Variants in LONRF2 observed in about 807,000 individuals in gnomAD.
LONRF2 encodes LON peptidase N-terminal domain and ring finger 2.
In LONRF2, 35 loss-of-function variants were observed where a neutral mutation model predicts 66.6. That is an observed-to-expected ratio of 0.53 (90% CI 0.40 to 0.70). The LOEUF is 0.70. Among genes scored for constraint, LONRF2 ranks in the 30% least tolerant of loss-of-function variants. The pLI is 0.00. For synonymous variants in LONRF2, 417 were observed against 418.1 expected, an observed-to-expected ratio of 1.00 and a Z score of 0.03; for missense variants, 902 against 1,002.1, an observed-to-expected ratio of 0.90 and a Z score of 1.35.
intron 2 of LONRF2, among the ~76,000 whole-genome samples, chr2:100,305,230 TCTTTTC>T (rs1301661102): frequency 2.0e-5 from 3 of 152,074 alleles, no homozygotes; most frequent in Non-Finnish European, 4.4e-5. Flanking sequence ...CACACACAAT[TCTTTTC>T]CTTTTCATGT....
chr2:100,319,028 G>A (rs565056428), intron 1 of LONRF2, among the ~76,000 whole-genome samples: 13 of 151,772 alleles, frequency 8.6e-5, no homozygotes, highest in Admixed American at 4.6e-4. Flanking sequence ...TACTTGGGAG[G>A]CTGAGGCAGG....
At chr2:100,316,853 C>T (rs1417722902) in intron 1 of LONRF2, among the ~76,000 whole-genome samples, 2 of 152,090 alleles carry the variant, frequency 1.3e-5, no homozygotes, top group African/African-American at 2.4e-5. Context: ...TGTGTGTGTA[C>T]ACTTGTTGTT....
intron 1 of LONRF2, among the ~76,000 whole-genome samples, chr2:100,315,380 A>C (rs1420094737): frequency 5.9e-5 from 9 of 152,206 alleles, no homozygotes; most frequent in African/African-American, 2.2e-4. Context: ...ATGCCAGGTC[A>C]TCTACAAATA....
At chr2:100,313,568 A>G (rs1277811002) in intron 1 of LONRF2, among the ~76,000 whole-genome samples, 1 of 152,310 alleles carries the variant, frequency 6.6e-6, no homozygotes, top group South Asian at 2.1e-4. Context: ...GAAAAGAAAG[A>G]ATAAGTGGCA....
chr2:100,316,126 T>C lies in LONRF2; in HGVS notation c.679+5289A>G, dbSNP rs547327056. On this transcript the variant is annotated intron_variant, in intron 1 of 11. Coordinates refer to ENST00000393437, the MANE Select transcript of LONRF2 (RefSeq NM_198461.4). The stretch of plus-strand genomic sequence containing the variant: ...ACGAGGTCAGAGATCGAGAGCATCC[T>C]GGCTAACACAGTGAAACCCTGTCTC... Among the ~76,000 whole-genome samples the C allele has an allele frequency of 2.8e-3, 419 of 152,100 alleles. 4 individuals are homozygous for C. Among genetic ancestry groups the C allele is most frequent in the African/African-American group, 9.6e-3 (399 of 41,494 alleles).
chr2:100,280,952 C>T lies in LONRF2; in HGVS notation c.*3346G>A, dbSNP rs1435931174. 1.3e-5 allele frequency: 2 copies of T among 152,122 alleles called. No homozygotes were observed. The highest frequency in any genetic ancestry group is 4.8e-5 in the African/African-American group (2 of 41,410). 9.4% of individuals were successfully genotyped at this position (152,122 alleles called of 1,614,324 possible). On this transcript the variant is annotated 3_prime_UTR_variant, in exon 12 of 12. Coordinates refer to ENST00000393437, the MANE Select transcript of LONRF2 (RefSeq NM_198461.4). The stretch of plus-strand genomic sequence containing the variant: ...TTCACACTTCTTCTTATTTGATAGA[C>T]AGTATTCAAATTTTGAAGAGTGGTA...
chr2:100,287,076 A>G lies in LONRF2; in HGVS notation c.1921-13T>C. The G allele has an allele frequency of 6.2e-7, 1 of 1,612,942 alleles. No individual in the cohort carries two copies. The highest frequency in any genetic ancestry group is 8.5e-7 in the Non-Finnish European group (1 of 1,179,464). On this transcript the variant is annotated splice_polypyrimidine_tract_variant and intron_variant, in intron 10 of 11. Coordinates refer to ENST00000393437, the MANE Select transcript of LONRF2 (RefSeq NM_198461.4). ...CTGGACCCTCCACCTGATCAGGGAA[A>G]GAGGCACAGCTGTGTGAACCATTCA... is the stretch of plus-strand genomic sequence containing the variant.
chr2:100,313,679 C>T (rs1379512652), intron 1 of LONRF2, among the ~76,000 whole-genome samples: 10 of 152,090 alleles, frequency 6.6e-5, no homozygotes, highest in African/African-American at 1.9e-4. Context: ...CATGTGTACC[C>T]GTGCCATCAT....
intron 4 of LONRF2, among the ~76,000 whole-genome samples, chr2:100,300,153 ATCTG>A (rs3039770): frequency 0.72 from 108,534 of 151,368 alleles, 39,518 homozygotes; most frequent in East Asian, 0.95. Flanking sequence ...TTCATATGCA[ATCTG>A]TCTGTCTGTC....
rs779870912 is a variant in LONRF2 at position 100,295,473 on chromosome 2, A to G, written c.1557T>C (p.Asp519=). 1 of 1,613,784 alleles carries G rather than the reference A, an allele frequency of 6.2e-7. No homozygotes were observed. The highest frequency in any genetic ancestry group is 8.5e-7 in the Non-Finnish European group (1 of 1,179,764). ...TTTCTTCATCATAAATTCTCTTCCT[A>G]TCAGACAATTCATCCGGCAAATATC... ...IFRYLPDELS[D]RKRIYDEEMS... is the part of the protein sequence containing the mutation. Residue 519 remains aspartate, a synonymous_variant, in exon 8 of 12, where the codon GAT becomes GAC. Transcript: ENST00000393437.
intron 7 of LONRF2, 44 bp from the exon 8 acceptor site, chr2:100,295,597 C>A (rs1675049510): frequency 6.3e-7 from 1 of 1,586,726 alleles, no homozygotes; most frequent in African/African-American, 1.4e-5. Context: ...GTAATTGATT[C>A]TAAAGGACGA....
intron 1 of LONRF2, among the ~76,000 whole-genome samples, chr2:100,317,410 A>G (rs1675529911): frequency 1.3e-5 from 2 of 152,208 alleles, no homozygotes; most frequent in African/African-American, 4.8e-5. Flanking sequence ...CAAACCATAC[A>G]ACAATTTAAC....
At chr2:100,297,365 C>T (rs1382968183) in intron 7 of LONRF2, among the ~76,000 whole-genome samples, 2 of 151,972 alleles carry the variant, frequency 1.3e-5, no homozygotes, top group African/African-American at 4.8e-5. Flanking sequence ...TCTCTATCTC[C>T]CGCCCTTGTG....
chr2:100,293,199 T>C (rs949671996), intron 9 of LONRF2, among the ~76,000 whole-genome samples: 2 of 152,214 alleles, frequency 1.3e-5, no homozygotes, highest in African/African-American at 4.8e-5. Context: ...AGAGATGGCA[T>C]CTCTACAGCA....
At chr2:100,307,178 C>T (rs1319660199) in intron 2 of LONRF2, among the ~76,000 whole-genome samples, 5 of 152,046 alleles carry the variant, frequency 3.3e-5, no homozygotes, top group African/African-American at 9.7e-5. Flanking sequence ...TCTCGGCCTC[C>T]GAAAGTGCTG....
At chr2:100,315,601 C>T (rs1675490308) in intron 1 of LONRF2, among the ~76,000 whole-genome samples, 1 of 121,430 alleles carries the variant, frequency 8.2e-6, no homozygotes, top group Non-Finnish European at 1.9e-5. Context: ...TTCGTAGTTT[C>T]CTGAGAGATG....
chr2:100,277,436 TC>T lies in LONRF2; in HGVS notation c.*6861del, dbSNP rs1674622564. Reference sequence around the variant, plus strand: ...CAAGCTCAGCAAAACTACCGATGCCTCCTTAACACAGGACAGAGTCAAGCCT... The same window carrying T: ...CAAGCTCAGCAAAACTACCGATGCCTCTTAACACAGGACAGAGTCAAGCCT... On this transcript the variant is annotated 3_prime_UTR_variant, in exon 12 of 12. Transcript: ENST00000393437. 6.6e-6 allele frequency: 1 copy of T among 152,260 alleles called. No individual in the cohort carries two copies. The highest frequency in any genetic ancestry group is 1.5e-5 in the Non-Finnish European group (1 of 68,126). 9.4% of individuals were successfully genotyped at this position (152,260 alleles called of 1,614,324 possible). A position where few individuals can be genotyped will look rare whatever the true frequency, so the allele number is the denominator to read the frequency against.
intron 1 of LONRF2, among the ~76,000 whole-genome samples, chr2:100,315,998 C>G (rs766096800): frequency 5.3e-5 from 8 of 152,068 alleles, no homozygotes; most frequent in Non-Finnish European, 1.0e-4. Context: ...TGTTTGATAT[C>G]TGTATTTTCA....
chr2:100,317,961 C>T (rs80242615), intron 1 of LONRF2, among the ~76,000 whole-genome samples: 7,953 of 152,154 alleles, frequency 0.052, 659 homozygotes, highest in African/African-American at 0.18. Flanking sequence ...CTTGTGTCCA[C>T]CCTGTTGGGC....
Sources: allele counts gnomAD v4.1 joint callset (sites outside exome capture counted in the v4.1 genomes callset), GRCh38; gene constraint gnomAD v4.1.1; transcripts MANE v1.5; gene names NCBI Gene and HGNC (gene_info 2026-07-23, HGNC 2026-07-21).